Variants in HERPUD2 observed in about 807,000 individuals in gnomAD.
The protein encoded by HERPUD2 is homocysteine-responsive endoplasmic reticulum-resident ubiquitin-like domain member 2 protein.
In HERPUD2, 13 loss-of-function variants were observed where a neutral mutation model predicts 49.9. The ratio of observed to expected loss-of-function variants is 0.26; its 90% CI spans 0.17 to 0.41. The LOEUF (loss-of-function observed/expected upper bound fraction) is 0.41, where lower values mean the gene tolerates loss of function less well. Among genes scored for constraint, HERPUD2 ranks in the 10% least tolerant of loss-of-function variants. HERPUD2 has a pLI of 1.00. For synonymous variants in HERPUD2, 172 were observed against 171.4 expected (o/e 1.00, Z -0.03); for missense variants, 449 against 492.2 (o/e 0.91, Z 0.83).
chr7:35,660,348 A>G lies in HERPUD2; in HGVS notation c.494+7086T>C, dbSNP rs1785387859. 2.0e-5 allele frequency among the ~76,000 whole-genome samples: 3 copies of G among 152,166 alleles called. No homozygotes were observed. In the South Asian group the frequency reaches 6.2e-4, roughly 31 times the overall value. Reference sequence around the variant, plus strand: ...TGCCACAATAAACATACGTGTGCATATGTCTTTATACCAGCATGATTTATA... The same window carrying G: ...TGCCACAATAAACATACGTGTGCATGTGTCTTTATACCAGCATGATTTATA... On this transcript the variant is annotated intron_variant, in intron 5 of 8. Transcript: ENST00000311350.
chr7:35,672,020 A>G (rs1405232174), intron 3 of HERPUD2, among the ~76,000 whole-genome samples: 1 of 152,034 alleles, frequency 6.6e-6, no homozygotes, highest in African/African-American at 2.4e-5. Flanking sequence ...TGGTGGAGAC[A>G]TGTCATTATA....
intron 2 of HERPUD2, among the ~76,000 whole-genome samples, chr7:35,682,265 A>G (rs1175837506): frequency 0.022 from 791 of 36,764 alleles, 30 homozygotes; most frequent in Middle Eastern, 0.03. Context: ...GTGTGTGTAT[A>G]TATAGATATA....
At chr7:35,681,282 A>G (rs540951701) in intron 2 of HERPUD2, among the ~76,000 whole-genome samples, 1 of 152,362 alleles carries the variant, frequency 6.6e-6, no homozygotes, top group South Asian at 2.1e-4. Context: ...ACAAAATTAC[A>G]TAGTAGCCCC....
rs1785618730 is a variant in HERPUD2 at position 35,670,342 on chromosome 7, A to T, written c.226-14T>A. ...ATACTCATCTTGCTAAAATTAAAGA[A>T]GATTACATTTAAAGGGTAGTACTAC... On this transcript the variant is annotated splice_polypyrimidine_tract_variant and intron_variant, in intron 3 of 8. Transcript: ENST00000311350. 1.6e-6 allele frequency: 2 copies of T among 1,279,522 alleles called. No individual in the cohort carries two copies. Among genetic ancestry groups the T allele is most frequent in the Non-Finnish European group, 2.1e-6 (2 of 932,734 alleles). The allele number at this position is 1,279,522 out of a possible 1,614,324, so 79.3% of individuals were successfully genotyped here. A position where few individuals can be genotyped will look rare whatever the true frequency, so the allele number is the denominator to read the frequency against.
At chr7:35,649,736 T>C (rs1359964679) in intron 5 of HERPUD2, among the ~76,000 whole-genome samples, 2 of 152,068 alleles carry the variant, frequency 1.3e-5, no homozygotes, top group Admixed American at 6.5e-5. Context: ...TGATAAGGGG[T>C]TGTAGAGACC....
At chr7:35,655,256 A>G (rs1583549060) in intron 5 of HERPUD2, among the ~76,000 whole-genome samples, 1 of 152,356 alleles carries the variant, frequency 6.6e-6, no homozygotes, top group African/African-American at 2.4e-5. Flanking sequence ...TACTAAAACC[A>G]GAGAAGGACA....
chr7:35,688,517 A>G (rs1414469078), intron 2 of HERPUD2, among the ~76,000 whole-genome samples: 1 of 152,224 alleles, frequency 6.6e-6, no homozygotes, highest in African/African-American at 2.4e-5. Context: ...ACCAACTGGT[A>G]GACTGTGAAG....
intron 2 of HERPUD2, among the ~76,000 whole-genome samples, chr7:35,674,647 G>C (rs936999731): frequency 7.2e-5 from 11 of 151,828 alleles, no homozygotes; most frequent in Non-Finnish European, 1.6e-4. Context: ...TTAGAAGGTT[G>C]CAACTTTCAG....
intron 5 of HERPUD2, among the ~76,000 whole-genome samples, chr7:35,665,310 G>A (rs575696983): frequency 6.6e-5 from 10 of 152,314 alleles, no homozygotes; most frequent in African/African-American, 9.6e-5. Context: ...CTCGAGCCTC[G>A]GCAATGGCAG....
At chr7:35,658,719 G>A (rs1336849602) in intron 5 of HERPUD2, among the ~76,000 whole-genome samples, 3 of 152,180 alleles carry the variant, frequency 2.0e-5, no homozygotes, top group Non-Finnish European at 4.4e-5. Context: ...AAAACTGGGT[G>A]TTTTATAAAC....
intron 5 of HERPUD2, among the ~76,000 whole-genome samples, chr7:35,649,148 G>A (rs1340203976): frequency 1.1e-4 from 17 of 152,078 alleles, no homozygotes; most frequent in Non-Finnish European, 7.4e-5. Flanking sequence ...CTACTTGGGA[G>A]GCTAAGGCAG....
chr7:35,659,243 TGAC>T (rs1785355859), intron 5 of HERPUD2, among the ~76,000 whole-genome samples: 2 of 152,156 alleles, frequency 1.3e-5, no homozygotes, highest in Non-Finnish European at 2.9e-5. Context: ...TCAGAAAAAA[TGAC>T]AACTATGAGA....
chr7:35,657,812 G>C (rs1369438799), intron 5 of HERPUD2, among the ~76,000 whole-genome samples: 2 of 150,930 alleles, frequency 1.3e-5, no homozygotes, highest in Non-Finnish European at 3.0e-5. Context: ...CCTGCTACTA[G>C]GGAGGCTGAG....
chr7:35,689,009 C>T (rs567696114), intron 2 of HERPUD2, among the ~76,000 whole-genome samples: 1 of 152,040 alleles, frequency 6.6e-6, no homozygotes, highest in Non-Finnish European at 1.5e-5. Context: ...GTACACATGG[C>T]AAACACTTAG....
At chr7:35,651,159 A>G (rs2115879465) in intron 5 of HERPUD2, among the ~76,000 whole-genome samples, 1 of 152,232 alleles carries the variant, frequency 6.6e-6, no homozygotes, top group East Asian at 1.9e-4. Flanking sequence ...TGTCCCACCA[A>G]TATTACTGCC....
intron 5 of HERPUD2, among the ~76,000 whole-genome samples, chr7:35,661,588 A>C (rs1040937468): frequency 1.6e-4 from 24 of 152,206 alleles, no homozygotes; most frequent in Admixed American, 5.2e-4. Context: ...GAGGTCGTTC[A>C]CATCCCTTGT....
In HERPUD2 at chr7:35,681,800, GA is replaced by G. The variant is rs201105452; in HGVS notation, c.148-8523del. Among the ~76,000 whole-genome samples the G allele has an allele frequency of 2.7e-5, 4 of 149,778 alleles. No individual in the cohort carries two copies. The East Asian group carries it at 5.9e-4, about 22-fold the overall frequency. On this transcript the variant is annotated intron_variant, in intron 2 of 8. Coordinates refer to ENST00000311350, the MANE Select transcript of HERPUD2 (RefSeq NM_022373.5). Reference sequence around the variant, plus strand: ...TGCAAATCCATAGAAACAGAAAGTAGAAAAAAAAAGAAACAGAAAGTAGATT... The same window carrying G: ...TGCAAATCCATAGAAACAGAAAGTAGAAAAAAAAGAAACAGAAAGTAGATT...
At chr7:35,643,269 C>A (rs2115849021) in intron 5 of HERPUD2, among the ~76,000 whole-genome samples, 1 of 152,258 alleles carries the variant, frequency 6.6e-6, no homozygotes, top group East Asian at 1.9e-4. Context: ...TGGCCCATTC[C>A]TACTGTAAGA....
At chr7:35,639,225 G>C (rs1468331507) in intron 5 of HERPUD2, among the ~76,000 whole-genome samples, 1 of 151,846 alleles carries the variant, frequency 6.6e-6, no homozygotes, top group Admixed American at 6.6e-5. Context: ...GTAGAGACAG[G>C]GTTTCACTGT....
Sources: gnomAD v4.1 joint callset for allele counts (sites outside exome capture counted in the v4.1 genomes callset) on GRCh38, gnomAD v4.1.1 for gene constraint, MANE v1.5 for transcripts, NCBI Gene and HGNC (gene_info 2026-07-23, HGNC 2026-07-21) for gene names.